Variants in GABRB1 observed in about 807,000 individuals in gnomAD.
GABRB1 encodes gamma-aminobutyric acid receptor subunit beta-1.
A neutral mutation model predicts 51.6 loss-of-function variants in GABRB1; 17 were observed. That is an observed-to-expected ratio of 0.33 (90% confidence interval 0.23 to 0.49). The LOEUF (loss-of-function observed/expected upper bound fraction) is 0.49, where lower values mean the gene tolerates loss of function less well. GABRB1 is among the 20% of genes least tolerant of loss of function. GABRB1 has a pLI of 0.99. For missense variants in GABRB1, 410 were observed against 600.6 expected, an observed-to-expected ratio of 0.68 and a Z score of 3.32; for synonymous variants, 247 against 218.9, an observed-to-expected ratio of 1.13 and a Z score of -1.14.
At chr4:47,100,472 T>G (rs570866046) in intron 3 of GABRB1, among the ~76,000 whole-genome samples, 17 of 152,156 alleles carry the variant, frequency 1.1e-4, no homozygotes, top group African/African-American at 3.9e-4. Flanking sequence ...TTTTGATTAC[T>G]GTATATACAA....
At chr4:47,166,637 G>A (rs906522842) in intron 4 of GABRB1, among the ~76,000 whole-genome samples, 1 of 152,048 alleles carries the variant, frequency 6.6e-6, no homozygotes, top group African/African-American at 2.4e-5. Flanking sequence ...CATTGTGAGA[G>A]AGTCCATAGT....
At chr4:47,139,197 G>C (rs1716806940) in intron 3 of GABRB1, among the ~76,000 whole-genome samples, 1 of 151,948 alleles carries the variant, frequency 6.6e-6, no homozygotes, top group Admixed American at 6.6e-5. Context: ...AATTGGAAAG[G>C]ACAGCCTCTA....
chr4:47,179,576 T>C (rs1207278286), intron 4 of GABRB1, among the ~76,000 whole-genome samples: 1 of 152,150 alleles, frequency 6.6e-6, no homozygotes, highest in African/African-American at 2.4e-5. Context: ...CCAACATATA[T>C]GTTTTACTTG....
chr4:47,170,198 AT>A (rs1577970058), intron 4 of GABRB1, among the ~76,000 whole-genome samples: 2 of 152,184 alleles, frequency 1.3e-5, no homozygotes, highest in East Asian at 3.9e-4. Flanking sequence ...CAATTTTTTT[AT>A]ATTCTTGGCA....
chr4:47,009,691 G>T (rs1322280125), intron 1 of GABRB1, among the ~76,000 whole-genome samples: 1 of 152,192 alleles, frequency 6.6e-6, no homozygotes, highest in Non-Finnish European at 1.5e-5. Flanking sequence ...TTTGATTGTA[G>T]GAGTGGAGAA....
At chr4:47,163,223 T>C (rs1255353239) in intron 4 of GABRB1, among the ~76,000 whole-genome samples, 3 of 152,076 alleles carry the variant, frequency 2.0e-5, no homozygotes, top group African/African-American at 7.2e-5. Context: ...CCCTTACTCA[T>C]TATTGGAACA....
At chr4:47,273,448 T>C (rs1307761717) in intron 4 of GABRB1, among the ~76,000 whole-genome samples, 2 of 152,130 alleles carry the variant, frequency 1.3e-5, no homozygotes, top group African/African-American at 4.8e-5. Flanking sequence ...AAATCTGATT[T>C]ACCCCCACAC....
intron 4 of GABRB1, among the ~76,000 whole-genome samples, chr4:47,302,382 C>T (rs1271758100): frequency 6.6e-6 from 1 of 151,786 alleles, no homozygotes; most frequent in African/African-American, 2.4e-5. Context: ...ATTAGAAAAA[C>T]CTTCTATTTT....
intron 3 of GABRB1, among the ~76,000 whole-genome samples, chr4:47,090,536 G>T (rs900671242): frequency 6.6e-6 from 1 of 152,180 alleles, no homozygotes. Flanking sequence ...TGGAAATAGT[G>T]TATTAGAATC....
chr4:47,391,365 T>C (rs1238405853), intron 5 of GABRB1, among the ~76,000 whole-genome samples: 1 of 152,194 alleles, frequency 6.6e-6, no homozygotes, highest in East Asian at 1.9e-4. Flanking sequence ...TATTGATCAG[T>C]AGTCATAGTC....
intron 5 of GABRB1, among the ~76,000 whole-genome samples, chr4:47,347,052 C>T (rs141523876): frequency 6.6e-5 from 10 of 152,202 alleles, no homozygotes; most frequent in East Asian, 3.9e-4. Context: ...GAGGCTGAGG[C>T]GGGTGGATCA....
intron 8 of GABRB1, among the ~76,000 whole-genome samples, chr4:47,421,569 G>A (rs1729091713): frequency 6.6e-6 from 1 of 152,072 alleles, no homozygotes. Context: ...TCCATTTATA[G>A]ATAAGGGATC....
rs556924507 is a variant in GABRB1, at chr4:47,335,330, C to G, written c.544+15121C>G. ...TGTTGTTGTTGCCATTATTTTATAT[C>G]TTCCTCTTTGAATTTGTACATGTTA... On this transcript the variant is annotated intron_variant, in intron 5 of 8. Coordinates refer to ENST00000295454, the MANE Select transcript of GABRB1 (RefSeq NM_000812.4). 4.5e-4 allele frequency among the ~76,000 whole-genome samples: 69 copies of G among 152,074 alleles called. 1 individual carries two copies. The highest frequency in any genetic ancestry group is 2.1e-4 in the South Asian group (1 of 4,824).
chr4:47,079,221 G>A (rs1162616510), intron 3 of GABRB1, among the ~76,000 whole-genome samples: 7 of 152,160 alleles, frequency 4.6e-5, no homozygotes, highest in African/African-American at 4.8e-5. Flanking sequence ...GGTAGAATTC[G>A]GATGTGAATC....
rs1038282745 is a variant in GABRB1 at position 47,006,409 on chromosome 4, C to T, written c.-20+12483C>T. Among the ~76,000 whole-genome samples, 4 of 152,156 alleles carry T rather than the reference C, an allele frequency of 2.6e-5. No homozygotes were observed. In the East Asian group the frequency reaches 7.7e-4, roughly 29 times the overall value. On this transcript the variant is annotated intron_variant, in intron 1 of 3. Transcript: ENST00000513567. ...CAAAAAATTAAAAATGTTTTCAAAA[C>T]TTTCCTATAATGATCATAAGATGGA...
At chr4:47,291,156 C>T (rs1723714788) in intron 4 of GABRB1, among the ~76,000 whole-genome samples, 1 of 152,030 alleles carries the variant, frequency 6.6e-6, no homozygotes, top group African/African-American at 2.4e-5. Flanking sequence ...ACTTGGTGCC[C>T]TGTGTCCCAG....
intron 3 of GABRB1, among the ~76,000 whole-genome samples, chr4:47,099,596 A>T (rs1388400099): frequency 6.6e-6 from 1 of 152,040 alleles, no homozygotes; most frequent in East Asian, 1.9e-4. Context: ...TGGATTGCTC[A>T]TTTTCTGGTG....
intron 4 of GABRB1, among the ~76,000 whole-genome samples, chr4:47,182,342 G>GA (rs35372100): frequency 6.6e-6 from 1 of 151,784 alleles, no homozygotes; most frequent in East Asian, 1.9e-4. Flanking sequence ...TCACACTGCA[G>GA]AAAAAAGGTA....
At chr4:47,361,221 A>G (rs1726794248) in intron 5 of GABRB1, among the ~76,000 whole-genome samples, 1 of 152,150 alleles carries the variant, frequency 6.6e-6, no homozygotes, top group African/African-American at 2.4e-5. Flanking sequence ...GGAAACCGCA[A>G]TGATGTTCCT....
Sources: allele counts gnomAD v4.1 joint callset (sites outside exome capture counted in the v4.1 genomes callset), GRCh38; gene constraint gnomAD v4.1.1; transcripts MANE v1.5; gene names NCBI Gene and HGNC (gene_info 2026-07-23, HGNC 2026-07-21).